Variants in CACNB3 observed in about 807,000 individuals in gnomAD.
CACNB3 encodes the protein voltage-dependent L-type calcium channel subunit beta-3.
Under a neutral mutation model 63.7 loss-of-function variants are expected in CACNB3, and 36 were observed. The observed-to-expected ratio is 0.57, with a 90% confidence interval of 0.43 to 0.75. CACNB3 has a LOEUF of 0.75. CACNB3 is among the 30% of genes least tolerant of loss of function. The probability of loss-of-function intolerance (pLI) is 0.00; values close to 1 mark genes in which losing one functional copy is unlikely to be tolerated. For synonymous variants in CACNB3, 241 were observed against 250.6 expected (o/e 0.96, Z 0.36); for missense variants, 493 against 648.6 (o/e 0.76, Z 2.61).
chr12:48,827,139 G>A lies in CACNB3; in HGVS notation c.1140+16G>A. 1 of 1,611,154 alleles carries A rather than the reference G, an allele frequency of 6.2e-7. No homozygotes were observed. Among genetic ancestry groups the A allele is most frequent in the Non-Finnish European group, 8.5e-7 (1 of 1,179,684 alleles). On this transcript the variant is annotated intron_variant, in intron 12 of 12. Coordinates refer to ENST00000301050, the MANE Select transcript of CACNB3 (RefSeq NM_000725.4). ...CGGACTTCAGGTAACCATTTCCAGT[G>A]GGCAGAGATGCTCAAGCTAAGCCAG...
rs764425351 is a variant in CACNB3, at chr12:48,818,995, T to G, written c.45+21T>G. On this transcript the variant is annotated intron_variant, in intron 1 of 12. Transcript: ENST00000301050. The surrounding 1 kb of genome is among the most constrained non-coding windows in gnomAD (Gnocchi z 4.3). ...AGGCGGTGAGTGCCCACGATGAGGG[T>G]GGGGGCGGGGAAGTTGGGGTGACAC... 6.9e-6 allele frequency: 11 copies of G among 1,590,318 alleles called. No individual in the cohort carries two copies. In the Admixed American group the frequency reaches 8.6e-5, roughly 12 times the overall value.
At position 48,824,746 on chromosome 12, in the gene CACNB3, C is replaced by G; in HGVS notation, c.472+13C>G. 1 of 1,613,180 alleles carries G rather than the reference C, an allele frequency of 6.2e-7. No individual in the cohort carries two copies. ...CCGCCATCTCTAGGTAGCCTCCCCC[C>G]AACCCACCCATTTTGGGTAGGTGGG... On this transcript the variant is annotated intron_variant, in intron 5 of 12. Transcript: ENST00000301050.
intron 3 of CACNB3, chr12:48,824,036 G>A: frequency 1.5e-6 from 1 of 671,942 alleles, no homozygotes; most frequent in Non-Finnish European, 2.5e-6. Flanking sequence ...AGTTAGATTA[G>A]CTGCCTCCGA....
At chr12:48,814,539 G>C (rs1352163120), upstream of CACNB3, 4 of 1,528,514 alleles carry the variant, frequency 2.6e-6, no homozygotes, top group Non-Finnish European at 3.5e-6. The surrounding 1 kb of genome is among the most constrained non-coding windows in gnomAD (Gnocchi z 6.9). Flanking sequence ...GGCGCCCCTC[G>C]AGACCAGGAT....
chr12:48,824,771 G>C, intron 5 of CACNB3, 38 bp downstream of exon 5: 1 of 1,599,882 alleles, frequency 6.3e-7, no homozygotes, highest in Non-Finnish European at 8.6e-7. Context: ...GGGTAGGTGG[G>C]TAGCTAAGAC....
chr12:48,827,109 A>G lies in CACNB3; in HGVS notation c.1126A>G (p.Ile376Val). 1 of 1,612,578 alleles carries G rather than the reference A, an allele frequency of 6.2e-7. No homozygotes were observed. The highest frequency in any genetic ancestry group is 8.5e-7 in the Non-Finnish European group (1 of 1,180,006). Residue 376 changes from isoleucine to valine, a missense_variant, in exon 12 of 13, where the codon ATC becomes GTC. Coordinates refer to ENST00000301050, the MANE Select transcript of CACNB3 (RefSeq NM_000725.4). ...GPGLLGPPSAIPGLQNQQLLG... is the reference protein window; with the variant it reads ...GPGLLGPPSAVPGLQNQQLLG... The stretch of plus-strand genomic sequence containing the variant: ...CGGACTTCTGGGTCCTCCCAGTGCC[A>G]TCCCCGGACTTCAGGTAACCATTTC...
upstream of CACNB3, chr12:48,818,451 C>T (rs1228949516): frequency 8.1e-6 from 8 of 989,486 alleles, no homozygotes; most frequent in Non-Finnish European, 9.6e-6. The surrounding 1 kb of genome is among the most constrained non-coding windows in gnomAD (Gnocchi z 4.3). Context: ...CTCTCCTCGC[C>T]CCGCCTCCTC....
Position 48,828,084 on chromosome 12 carries a change from C to A in CACNB3, c.*185C>A, listed in dbSNP as rs1335639443. 1.6e-6 allele frequency: 1 copy of A among 612,324 alleles called. No homozygotes were observed. The highest frequency in any genetic ancestry group is 1.8e-5 in the African/African-American group (1 of 54,194). 37.9% of individuals were successfully genotyped at this position (612,324 alleles called of 1,614,324 possible). Reference sequence around the variant, plus strand: ...CTGGGAGAAACAGGGGACCCCCTCACCTCCTGGGCAGTGACCCCTACTAGG... The same window carrying A: ...CTGGGAGAAACAGGGGACCCCCTCAACTCCTGGGCAGTGACCCCTACTAGG... On this transcript the variant is annotated 3_prime_UTR_variant, in exon 13 of 13. Coordinates refer to ENST00000301050, the MANE Select transcript of CACNB3 (RefSeq NM_000725.4).
At chr12:48,815,543 G>T, upstream of CACNB3, 13 of 1,496,822 alleles carry the variant, frequency 8.7e-6, no homozygotes, top group Non-Finnish European at 1.2e-5. Context: ...CAGGGGAGAG[G>T]GAAGGGAGCA....
chr12:48,823,776 G>A lies in CACNB3; in HGVS notation c.264G>A (p.Glu88=). 6.2e-7 allele frequency: 1 copy of A among 1,614,106 alleles called. No homozygotes were observed. The highest frequency in any genetic ancestry group is 8.5e-7 in the Non-Finnish European group (1 of 1,180,018). ...CPVQGSGVNF[E]AKDFLHIKEK... ...TCCAGGGCTCTGGAGTCAACTTTGAGGCCAAAGATTTTCTGCACATTAAAG... is the reference window on the plus strand; with the variant it reads ...TCCAGGGCTCTGGAGTCAACTTTGAAGCCAAAGATTTTCTGCACATTAAAG... The change falls in exon 3 of 13, where the codon GAG becomes GAA. Residue 88 remains glutamate, a synonymous_variant. Transcript: ENST00000301050. This position sits in a 1 kb window ranked among gnomAD's most constrained non-coding sequence, Gnocchi z 4.2.
Position 48,825,049 on chromosome 12 carries a change from G to A in CACNB3, c.492+81G>A. The A allele has an allele frequency of 6.3e-7, 1 of 1,589,908 alleles. No individual in the cohort carries two copies. ...AGTGTTCTAGGCAGTCATTGTTGGA[G>A]GGCAGAACAGAGAGGGGAGGGAGCC... On this transcript the variant is annotated intron_variant, in intron 6 of 12. Coordinates refer to ENST00000301050, the MANE Select transcript of CACNB3 (RefSeq NM_000725.4). This position sits in a 1 kb window ranked among gnomAD's most constrained non-coding sequence, Gnocchi z 4.5.
In CACNB3 at chr12:48,826,724, G is replaced by A. The variant is rs1405357173; in HGVS notation, c.895-35G>A. 3 of 1,560,976 alleles carry A rather than the reference G, an allele frequency of 1.9e-6. No homozygotes were observed. Among genetic ancestry groups the A allele is most frequent in the African/African-American group, 1.4e-5 (1 of 73,836 alleles). ...GGCTCAGCTCTGCCCAGAGTCCTGA[G>A]AGACTCCAGGCCTAGCTCTGCCCTC... is the stretch of plus-strand genomic sequence containing the variant. On this transcript the variant is annotated intron_variant, in intron 10 of 12. Transcript: ENST00000301050. The surrounding 1 kb of genome is among the most constrained non-coding windows in gnomAD (Gnocchi z 4.8).
Position 48,823,925 on chromosome 12 carries a change from A to C in CACNB3, c.291+122A>C. ...CCAAGCTAATCAGCTCTTCTCCTTA[A>C]CACACACCTGTCCACCCCTCATATC... is the stretch of plus-strand genomic sequence containing the variant. On this transcript the variant is annotated intron_variant, in intron 3 of 12. Transcript: ENST00000301050. The surrounding 1 kb of genome is among the most constrained non-coding windows in gnomAD (Gnocchi z 4.2). 7.9e-7 allele frequency: 1 copy of C among 1,259,042 alleles called. No individual in the cohort carries two copies. Among genetic ancestry groups the C allele is most frequent in the Non-Finnish European group, 1.1e-6 (1 of 894,552 alleles). 78.0% of individuals were successfully genotyped at this position (1,259,042 alleles called of 1,614,324 possible).
In CACNB3 at chr12:48,827,910, C is replaced by A. The variant is rs1393210618; in HGVS notation, c.*11C>A. 1.2e-6 allele frequency: 2 copies of A among 1,607,488 alleles called. No individual in the cohort carries two copies. The highest frequency in any genetic ancestry group is 2.7e-5 in the African/African-American group (2 of 74,800). Reference sequence around the variant, plus strand: ...AAGGATAGCTACTGACAGCCTCCTGCTGCCCTACCCTGGCAGGCACAGGCG... The same window carrying A: ...AAGGATAGCTACTGACAGCCTCCTGATGCCCTACCCTGGCAGGCACAGGCG... On this transcript the variant is annotated 3_prime_UTR_variant, in exon 13 of 13. Transcript: ENST00000301050.
chr12:48,823,826 G>A lies in CACNB3; in HGVS notation c.291+23G>A, dbSNP rs761501706. On this transcript the variant is annotated intron_variant, in intron 3 of 12. Coordinates refer to ENST00000301050, the MANE Select transcript of CACNB3 (RefSeq NM_000725.4). The surrounding 1 kb of genome is among the most constrained non-coding windows in gnomAD (Gnocchi z 4.2). Reference sequence around the variant, plus strand: ...GAGGTGATCGACCCCCCTACTTCCAGAAGCCTCTAACTTCATTTTCTTGCT... The same window carrying A: ...GAGGTGATCGACCCCCCTACTTCCAAAAGCCTCTAACTTCATTTTCTTGCT... 7 of 1,613,540 alleles carry A rather than the reference G, an allele frequency of 4.3e-6. No homozygotes were observed. The South Asian group carries it at 7.7e-5, about 18-fold the overall frequency.
In CACNB3 at chr12:48,823,930, C is replaced by T; in HGVS notation, c.291+127C>T. ...CTAATCAGCTCTTCTCCTTAACACACACCTGTCCACCCCTCATATCTAAGA... is the reference window on the plus strand; with the variant it reads ...CTAATCAGCTCTTCTCCTTAACACATACCTGTCCACCCCTCATATCTAAGA... On this transcript the variant is annotated intron_variant, in intron 3 of 12. Coordinates refer to ENST00000301050, the MANE Select transcript of CACNB3 (RefSeq NM_000725.4). The surrounding 1 kb of genome is among the most constrained non-coding windows in gnomAD (Gnocchi z 4.2). The T allele has an allele frequency of 8.5e-7, 1 of 1,172,912 alleles. No individual in the cohort carries two copies. The highest frequency in any genetic ancestry group is 1.2e-6 in the Non-Finnish European group (1 of 823,466). 72.7% of individuals were successfully genotyped at this position (1,172,912 alleles called of 1,614,324 possible).
Position 48,824,862 on chromosome 12 carries a change from G to A in CACNB3, c.473-87G>A. On this transcript the variant is annotated intron_variant, in intron 5 of 12. Transcript: ENST00000301050. The stretch of plus-strand genomic sequence containing the variant: ...GATTGGAAGGGGTGGGGAGAAGCCA[G>A]TATCTCCCCTGGGGACGGGGATACC... 3 of 1,544,828 alleles carry A rather than the reference G, an allele frequency of 1.9e-6. No individual in the cohort carries two copies. In the South Asian group the frequency reaches 3.4e-5, roughly 17 times the overall value.
intron 1 of CACNB3, chr12:48,820,748 A>G (rs1937806409): frequency 6.6e-6 from 1 of 152,270 alleles, no homozygotes; most frequent in Admixed American, 6.5e-5. Flanking sequence ...ATACTGGAGC[A>G]CTAGAGATGA....
rs1260178498 is a variant in CACNB3, at chr12:48,823,194, CAG to C, written c.46-149_46-148del. On this transcript the variant is annotated intron_variant, in intron 1 of 12. Coordinates refer to ENST00000301050, the MANE Select transcript of CACNB3 (RefSeq NM_000725.4). This position sits in a 1 kb window ranked among gnomAD's most constrained non-coding sequence, Gnocchi z 4.2. ...GCCTCAGAGGCACTGGGGCCCTTCT[CAG>C]GGGATAGGAGGGGCCATAGGGACCC... The C allele has an allele frequency of 1.3e-5, 12 of 948,308 alleles. No individual in the cohort carries two copies. In the Admixed American group the frequency reaches 2.2e-4, roughly 17 times the overall value. The allele number at this position is 948,308 out of a possible 1,614,324, so 58.7% of individuals were successfully genotyped here.
Sources: allele counts gnomAD v4.1 joint callset, GRCh38; gene constraint gnomAD v4.1.1; non-coding constraint Gnocchi (gnomAD v3.1); transcripts MANE v1.5; gene names NCBI Gene and HGNC (gene_info 2026-07-23, HGNC 2026-07-21).